The following CMPK1 variants were observed in gnomAD, a reference collection of about 807,000 sequenced individuals.
CMPK1 encodes cytidine/uridine monophosphate kinase 1, also known as UMP-CMP kinase.
CMPK1 carries 10 observed loss-of-function variants against 25.7 expected under a neutral mutation model. The ratio of observed to expected loss-of-function variants is 0.39; its 90% CI spans 0.24 to 0.66. The LOEUF is 0.66. CMPK1 is among the 30% of genes least tolerant of loss of function. The pLI is 0.48. For synonymous variants in CMPK1, 106 were observed against 101.5 expected, an observed-to-expected ratio of 1.04 and a Z score of -0.27; for missense variants, 199 against 280.5, an observed-to-expected ratio of 0.71 and a Z score of 2.08.
chr1:47,346,588 C>T (rs539999729), intron 1 of CMPK1, among the ~76,000 whole-genome samples: 84 of 152,064 alleles, frequency 5.5e-4, no homozygotes, highest in African/African-American at 7.5e-4. Flanking sequence ...ACTGCAACCT[C>T]GGCCTCCTGG....
intron 1 of CMPK1, among the ~76,000 whole-genome samples, chr1:47,359,199 C>T (rs1646584080): frequency 6.6e-6 from 1 of 151,538 alleles, no homozygotes; most frequent in Admixed American, 6.6e-5. Context: ...CGCCTGTAGT[C>T]CCAGCTACTC....
At chr1:47,348,714 A>C (rs1646502169) in intron 1 of CMPK1, among the ~76,000 whole-genome samples, 2 of 152,198 alleles carry the variant, frequency 1.3e-5, no homozygotes, top group Admixed American at 1.3e-4. Flanking sequence ...GCTACACAAA[A>C]GTCTGTTTCC....
chr1:47,364,563 C>T (rs1372704719), intron 1 of CMPK1, among the ~76,000 whole-genome samples: 5 of 151,120 alleles, frequency 3.3e-5, no homozygotes, highest in South Asian at 2.1e-4. Context: ...GTGATCCACC[C>T]GCCTCAGCCT....
At chr1:47,374,639 A>G (rs983497438) in intron 3 of CMPK1, among the ~76,000 whole-genome samples, 30 of 152,176 alleles carry the variant, frequency 2.0e-4, no homozygotes, top group Admixed American at 1.9e-3. Context: ...ACACATACAG[A>G]TCTTTTTATT....
At chr1:47,358,104 C>CT (rs398039948) in intron 1 of CMPK1, among the ~76,000 whole-genome samples, 34,782 of 78,318 alleles carry the variant, frequency 0.44, 9,055 homozygotes, top group Non-Finnish European at 0.52. Flanking sequence ...CATAGTAGGT[C>CT]TTTTTTTTTT....
At chr1:47,345,492 A>ATGTCTT (rs761192894) in intron 1 of CMPK1, among the ~76,000 whole-genome samples, 2 of 130,742 alleles carry the variant, frequency 1.5e-5, no homozygotes, top group Non-Finnish European at 1.7e-5. Flanking sequence ...TAGCAATTTA[A>ATGTCTT]TTTCTTTTTT....
chr1:47,373,251 T>G, intron 3 of CMPK1, 144 bp downstream of exon 3: 1 of 611,472 alleles, frequency 1.6e-6, no homozygotes, highest in Non-Finnish European at 2.5e-6. Context: ...AACAGCACTG[T>G]CTTGCTGTTG....
chr1:47,334,889 C>T (rs75697259), intron 1 of CMPK1, among the ~76,000 whole-genome samples: 2 of 152,236 alleles, frequency 1.3e-5, no homozygotes, highest in African/African-American at 4.8e-5. Flanking sequence ...CCCAGATTTT[C>T]TCAGGATATA....
At chr1:47,374,304 G>A (rs181197163) in intron 3 of CMPK1, among the ~76,000 whole-genome samples, 6 of 152,098 alleles carry the variant, frequency 3.9e-5, no homozygotes, top group African/African-American at 1.2e-4. Context: ...TGATCCACCC[G>A]CCTTAGCCTT....
chr1:47,372,094 A>ATT (rs1370485765), intron 2 of CMPK1, among the ~76,000 whole-genome samples: 8 of 130,396 alleles, frequency 6.1e-5, no homozygotes, highest in South Asian at 2.5e-4. Flanking sequence ...CTTTTTTCCT[A>ATT]TTTTTTTTTT....
In CMPK1 at chr1:47,334,009, C is replaced by T. The variant is rs1167257684; in HGVS notation, c.64C>T (p.Arg22Cys). 1.7e-5 allele frequency: 27 copies of T among 1,548,946 alleles called. No homozygotes were observed. The highest frequency in any genetic ancestry group is 2.3e-5 in the Non-Finnish European group (26 of 1,147,828). Residue 22 changes from arginine to cysteine, a missense_variant, in exon 1 of 6, where the codon CGC (arginine) becomes TGC (cysteine). Arg to Cys is a radical substitution (Grantham distance 180, BLOSUM62 -3). Around this residue, in one of 2 missense-constraint regions of CMPK1, gnomAD observed 59 missense variants for 45.1 expected, o/e 1.31. Coordinates refer to ENST00000371873, the MANE Select transcript of CMPK1 (RefSeq NM_016308.3). Reference sequence around the variant, plus strand: ...GGGCCTTAGCTTCCTGCTGCAGACCCGCCGGCCGATTCTCCTCTGCTCTCC... The same window carrying T: ...GGGCCTTAGCTTCCTGCTGCAGACCTGCCGGCCGATTCTCCTCTGCTCTCC... ...VLGLSFLLQT[R>C]RPILLCSPRL... is the part of the protein sequence containing the mutation.
chr1:47,368,185 C>T (rs1646652490), intron 1 of CMPK1, among the ~76,000 whole-genome samples: 1 of 152,102 alleles, frequency 6.6e-6, no homozygotes, highest in Non-Finnish European at 1.5e-5. Context: ...ACCTCATGAT[C>T]CACCCACCTC....
In CMPK1 at chr1:47,335,451, A is replaced by G. The variant is rs573846438; in HGVS notation, c.171+1335A>G. ...CAGGAGTTCGAGACCAGCCTGGCTAACATGGCGAAACGTTGTCTTTACTAA... is the reference window on the plus strand; with the variant it reads ...CAGGAGTTCGAGACCAGCCTGGCTAGCATGGCGAAACGTTGTCTTTACTAA... On this transcript the variant is annotated intron_variant, in intron 1 of 5. Coordinates refer to ENST00000371873, the MANE Select transcript of CMPK1 (RefSeq NM_016308.3). Among the ~76,000 whole-genome samples the G allele has an allele frequency of 3.3e-5, 5 of 152,130 alleles. No homozygotes were observed. The East Asian group carries it at 9.7e-4, about 30-fold the overall frequency.
chr1:47,358,104 C>CTTTTT (rs398039948), intron 1 of CMPK1, among the ~76,000 whole-genome samples: 7,352 of 78,708 alleles, frequency 0.093, 828 homozygotes, highest in East Asian at 0.17. Context: ...CATAGTAGGT[C>CTTTTT]TTTTTTTTTT....
chr1:47,368,188 C>T (rs2149333391), intron 1 of CMPK1, among the ~76,000 whole-genome samples: 2 of 152,264 alleles, frequency 1.3e-5, no homozygotes, highest in East Asian at 3.9e-4. Context: ...TCATGATCCA[C>T]CCACCTCAGC....
intron 1 of CMPK1, among the ~76,000 whole-genome samples, chr1:47,364,672 A>C (rs926729045): frequency 1.3e-4 from 19 of 147,964 alleles, no homozygotes; most frequent in Non-Finnish European, 2.8e-4. Context: ...ATTACATATA[A>C]ATTTTATATA....
intron 1 of CMPK1, among the ~76,000 whole-genome samples, chr1:47,342,343 A>G (rs944816833): frequency 2.7e-5 from 4 of 150,868 alleles, no homozygotes; most frequent in African/African-American, 4.9e-5. Context: ...CGGCCTCCCA[A>G]TTAGCCAGGC....
intron 1 of CMPK1, among the ~76,000 whole-genome samples, chr1:47,359,210 G>A (rs1238627833): frequency 5.3e-5 from 8 of 151,454 alleles, no homozygotes; most frequent in Non-Finnish European, 1.0e-4. Flanking sequence ...CCAGCTACTC[G>A]GGAGGCTGAG....
chr1:47,339,609 C>T (rs961773228), intron 1 of CMPK1, among the ~76,000 whole-genome samples: 1 of 151,860 alleles, frequency 6.6e-6, no homozygotes, highest in Non-Finnish European at 1.5e-5. Context: ...ATTCGATCCC[C>T]AGAGGGCGCT....
Sources: gnomAD v4.1 joint callset for allele counts (sites outside exome capture counted in the v4.1 genomes callset) on GRCh38, gnomAD v4.1.1 for gene constraint, gnomAD v4.1.1 regional missense constraint, MANE v1.5 for transcripts, NCBI Gene and HGNC (gene_info 2026-07-23, HGNC 2026-07-21) for gene names.